Variants in UBE3D observed in about 807,000 individuals in gnomAD.
UBE3D encodes the protein E3 ubiquitin-protein ligase E3D.
Under a neutral mutation model 49.6 loss-of-function variants are expected in UBE3D, and 48 were observed. The ratio of observed to expected loss-of-function variants is 0.97; its 90% CI spans 0.77 to 1.23. The LOEUF is 1.23. Among genes scored for constraint, UBE3D ranks in the 50% most tolerant of loss-of-function variants. The pLI is 0.00. For synonymous variants in UBE3D, 189 were observed against 174.2 expected (o/e 1.08, Z -0.67); for missense variants, 452 against 468.4 (o/e 0.96, Z 0.32).
At chr6:83,024,618 T>C (rs111801481) in intron 5 of UBE3D, among the ~76,000 whole-genome samples, 138 of 152,178 alleles carry the variant, frequency 9.1e-4, no homozygotes, top group Middle Eastern at 3.4e-3. Context: ...CACCGTGAGA[T>C]GGACCTGAGT....
At chr6:83,012,755 T>C (rs1211343782) in intron 8 of UBE3D, among the ~76,000 whole-genome samples, 1 of 152,200 alleles carries the variant, frequency 6.6e-6, no homozygotes, top group Non-Finnish European at 1.5e-5. Flanking sequence ...CTACAGCCCA[T>C]GCATCAGTAT....
intron 5 of UBE3D, chr6:83,032,169 G>A (rs1781922869): frequency 8.8e-6 from 4 of 455,914 alleles, no homozygotes; most frequent in South Asian, 6.2e-5. Context: ...TCCATAGACA[G>A]CTTACACCGT....
At chr6:82,942,614 G>A (rs755817336) in intron 9 of UBE3D, among the ~76,000 whole-genome samples, 4 of 152,218 alleles carry the variant, frequency 2.6e-5, no homozygotes, top group African/African-American at 7.2e-5. Context: ...AGGGGCCAAC[G>A]TACAGCTCAG....
intron 9 of UBE3D, among the ~76,000 whole-genome samples, chr6:82,930,680 C>G (rs1342564576): frequency 1.3e-5 from 2 of 152,060 alleles, no homozygotes; most frequent in Non-Finnish European, 2.9e-5. Flanking sequence ...AGCATTTTGC[C>G]CCTGACTTAG....
chr6:82,943,811 T>C (rs1432913219), intron 9 of UBE3D, among the ~76,000 whole-genome samples: 1 of 152,066 alleles, frequency 6.6e-6, no homozygotes, highest in African/African-American at 2.4e-5. Context: ...TCTGTGCTCT[T>C]GAAGGGGGAG....
At chr6:83,054,893 C>G in intron 2 of UBE3D, among the ~76,000 whole-genome samples, 1 of 152,186 alleles carries the variant, frequency 6.6e-6, no homozygotes, top group East Asian at 1.9e-4. Context: ...TCGTAATCCC[C>G]TTGCCTCGGC....
At chr6:83,048,812 A>G (rs1783258588) in intron 3 of UBE3D, among the ~76,000 whole-genome samples, 1 of 152,192 alleles carries the variant, frequency 6.6e-6, no homozygotes, top group African/African-American at 2.4e-5. Flanking sequence ...CTGAAAGCAT[A>G]TTTATCTAAA....
intron 9 of UBE3D, among the ~76,000 whole-genome samples, chr6:82,914,843 C>T (rs1772797974): frequency 1.3e-5 from 2 of 152,172 alleles, no homozygotes; most frequent in East Asian, 1.9e-4. Flanking sequence ...AAAATATGAG[C>T]GATGAACTGA....
intron 3 of UBE3D, among the ~76,000 whole-genome samples, chr6:83,053,794 GA>G (rs560284992): frequency 6.6e-6 from 1 of 152,150 alleles, no homozygotes; most frequent in African/African-American, 2.4e-5. Flanking sequence ...TTGTTATGTG[GA>G]AAAAATCACT....
rs56273130 is a variant in UBE3D at position 82,961,991 on chromosome 6, C to CGTGTGT, written c.1011-4547_1011-4542dup. Among the ~76,000 whole-genome samples the CGTGTGT allele has an allele frequency of 8.6e-3, 1,270 of 147,766 alleles. 16 individuals are homozygous for CGTGTGT. Among genetic ancestry groups the CGTGTGT allele is most frequent in the African/African-American group, 0.03 (1,201 of 40,342 alleles). ...AAAAGATGCTAATTTATTTTTTATA[C>CGTGTGT]GTGTGTGTGTGTGTGTGTGTCTGTA... is the stretch of plus-strand genomic sequence containing the variant. On this transcript the variant is annotated intron_variant, in intron 8 of 9. Transcript: ENST00000369747.
intron 4 of UBE3D, among the ~76,000 whole-genome samples, chr6:83,043,591 T>A (rs184556226): frequency 6.6e-6 from 1 of 152,300 alleles, no homozygotes; most frequent in African/African-American, 2.4e-5. Context: ...ACCTAAGAGC[T>A]GCCCACCTAC....
At chr6:82,986,627 TG>T (rs1778529961) in intron 8 of UBE3D, among the ~76,000 whole-genome samples, 2 of 149,670 alleles carry the variant, frequency 1.3e-5, no homozygotes, top group Admixed American at 6.7e-5. Context: ...CTAGGTGACT[TG>T]AAAAAAATAT....
At chr6:83,020,780 G>A (rs1781037561) in intron 7 of UBE3D, among the ~76,000 whole-genome samples, 1 of 152,174 alleles carries the variant, frequency 6.6e-6, no homozygotes, top group Non-Finnish European at 1.5e-5. Flanking sequence ...ACACCTAACA[G>A]CAACTTCAGG....
chr6:82,930,805 C>G (rs1009549750), intron 9 of UBE3D, among the ~76,000 whole-genome samples: 1 of 152,120 alleles, frequency 6.6e-6, no homozygotes, highest in African/African-American at 2.4e-5. Context: ...AAATTTGCAG[C>G]CTGACAGTGC....
intron 8 of UBE3D, among the ~76,000 whole-genome samples, chr6:82,979,033 A>G (rs564389082): frequency 2.0e-5 from 3 of 152,282 alleles, no homozygotes; most frequent in East Asian, 1.9e-4. Context: ...CTCCTCCCTT[A>G]TAAGACCTGG....
At chr6:82,977,548 G>A (rs1777816039) in intron 8 of UBE3D, among the ~76,000 whole-genome samples, 1 of 152,026 alleles carries the variant, frequency 6.6e-6, no homozygotes, top group African/African-American at 2.4e-5. Flanking sequence ...CTCTCATAAT[G>A]TTCTTACTCC....
At chr6:82,923,675 G>A (rs1329903678) in intron 9 of UBE3D, among the ~76,000 whole-genome samples, 1 of 152,120 alleles carries the variant, frequency 6.6e-6, no homozygotes, top group Admixed American at 6.6e-5. Context: ...GTAACAAAAT[G>A]CACGTTCTGC....
Position 83,044,528 on chromosome 6 carries a change from G to A in UBE3D, c.497C>T (p.Ser166Phe). The A allele has an allele frequency of 6.2e-7, 1 of 1,614,144 alleles. No individual in the cohort carries two copies. Among genetic ancestry groups the A allele is most frequent in the Non-Finnish European group, 8.5e-7 (1 of 1,180,010 alleles). Residue 166 changes from serine to phenylalanine, a missense_variant, in exon 4 of 10, where the codon TCT (serine) becomes TTT (phenylalanine). Coordinates refer to ENST00000369747, the MANE Select transcript of UBE3D (RefSeq NM_198920.3). ...PQENDCFIGD[S>F]FFLVNLRTSL... ...GGTTCTTAAATTCACCAAGAAGAAAGAGTCTCCAATAAAACAGTCATTCTC... is the reference window on the plus strand; with the variant it reads ...GGTTCTTAAATTCACCAAGAAGAAAAAGTCTCCAATAAAACAGTCATTCTC...
At chr6:82,941,239 T>C (rs1247945822) in intron 9 of UBE3D, among the ~76,000 whole-genome samples, 1 of 152,060 alleles carries the variant, frequency 6.6e-6, no homozygotes, top group African/African-American at 2.4e-5. Context: ...AAAATGTCAA[T>C]ACTGGTTACT....
Sources: gnomAD v4.1 joint callset for allele counts (sites outside exome capture counted in the v4.1 genomes callset) on GRCh38, gnomAD v4.1.1 for gene constraint, MANE v1.5 for transcripts, NCBI Gene and HGNC (gene_info 2026-07-23, HGNC 2026-07-21) for gene names.